The following LMNB1 variants were observed in gnomAD, a reference collection of about 807,000 sequenced individuals.
LMNB1 encodes the protein lamin B1.
Under a neutral mutation model 67.1 loss-of-function variants are expected in LMNB1, and 23 were observed. The ratio of observed to expected loss-of-function variants is 0.34; its 90% CI spans 0.25 to 0.49. LMNB1 has a LOEUF of 0.49. Ranked by LOEUF, LMNB1 falls within the 20% of genes least tolerant of loss-of-function variation. The pLI, the probability that LMNB1 is intolerant of heterozygous loss-of-function variation, is 0.99. For missense variants in LMNB1, 634 were observed against 746.5 expected, an observed-to-expected ratio of 0.85 and a Z score of 1.76; for synonymous variants, 281 against 282.9, an observed-to-expected ratio of 0.99 and a Z score of 0.07.
chr5:126,802,881 TA>T (rs1284631884), intron 1 of LMNB1, among the ~76,000 whole-genome samples: 2 of 151,856 alleles, frequency 1.3e-5, no homozygotes, highest in African/African-American at 4.8e-5. Flanking sequence ...GAACTCCATT[TA>T]AAAAAAAGTG....
chr5:126,792,823 G>T (rs554727479), intron 1 of LMNB1, among the ~76,000 whole-genome samples: 1 of 151,738 alleles, frequency 6.6e-6, no homozygotes, highest in Non-Finnish European at 1.5e-5. Context: ...TGATCCACCC[G>T]CCTCGGCCTC....
intron 1 of LMNB1, among the ~76,000 whole-genome samples, chr5:126,801,656 AC>A (rs1215982500): frequency 6.6e-6 from 1 of 152,228 alleles, no homozygotes; most frequent in Non-Finnish European, 1.5e-5. Context: ...CAAGAACAAT[AC>A]TGCATAAAAT....
At chr5:126,778,244 C>CGCGCTCGCGT (rs1047455715) in intron 1 of LMNB1, among the ~76,000 whole-genome samples, 9 of 152,046 alleles carry the variant, frequency 5.9e-5, no homozygotes, top group East Asian at 3.9e-4. Context: ...AGCGCGAGCG[C>CGCGCTCGCGT]GCGCTCGCGT....
chr5:126,777,879 C>A lies in LMNB1; in HGVS notation c.359+12C>A. ...CAGCTGCTCCTCAAGTGAGTGCTAG[C>A]TGGCGGCCGCGTTAGCGCCAAGGAG... On this transcript the variant is annotated intron_variant, in intron 1 of 10. Coordinates refer to ENST00000261366, the MANE Select transcript of LMNB1 (RefSeq NM_005573.4). 1 of 1,385,942 alleles carries A rather than the reference C, an allele frequency of 7.2e-7. No homozygotes were observed. Among genetic ancestry groups the A allele is most frequent in the South Asian group, 1.6e-5 (1 of 61,892 alleles). The allele number at this position is 1,385,942 out of a possible 1,614,324, so 85.9% of individuals were successfully genotyped here.
rs749836310 is a variant in LMNB1, at chr5:126,805,600, A to G, written c.546A>G (p.Lys182=). ...AAGCCTCCTTAGCTGCAGCCAAAAAACAGTTAGCAGATGAAACTTTACTTA... is the reference window on the plus strand; with the variant it reads ...AAGCCTCCTTAGCTGCAGCCAAAAAGCAGTTAGCAGATGAAACTTTACTTA... ...QLEASLAAAK[K]QLADETLLKV... is the part of the protein sequence containing the mutation. The change falls in exon 3 of 11, where the codon AAA becomes AAG. Residue 182 remains lysine (K), a synonymous_variant. Transcript: ENST00000261366. The G allele has an allele frequency of 6.2e-7, 1 of 1,611,024 alleles. No homozygotes were observed. Among genetic ancestry groups the G allele is most frequent in the South Asian group, 1.1e-5 (1 of 90,950 alleles).
intron 1 of LMNB1, among the ~76,000 whole-genome samples, chr5:126,800,198 T>G (rs1342184390): frequency 1.3e-5 from 2 of 152,178 alleles, no homozygotes; most frequent in African/African-American, 4.8e-5. Flanking sequence ...GAAGGTAATC[T>G]CATTTTACCC....
intron 9 of LMNB1, among the ~76,000 whole-genome samples, chr5:126,827,952 G>A (rs902683531): frequency 1.3e-5 from 2 of 152,194 alleles, no homozygotes; most frequent in East Asian, 3.8e-4. Context: ...ACTAGAGGAA[G>A]CACACTGAGG....
chr5:126,824,142 G>A (rs1015194340), intron 8 of LMNB1, among the ~76,000 whole-genome samples: 8 of 152,144 alleles, frequency 5.3e-5, no homozygotes, highest in African/African-American at 1.9e-4. Flanking sequence ...AATGTGATAA[G>A]CAGCTCTTTG....
intron 7 of LMNB1, 146 bp from the exon 8 acceptor site, chr5:126,822,635 C>G: frequency 1.5e-5 from 8 of 535,852 alleles, no homozygotes; most frequent in Non-Finnish European, 3.3e-6. Flanking sequence ...ATCGTGTTTT[C>G]TTTTTATAGT....
intron 1 of LMNB1, among the ~76,000 whole-genome samples, chr5:126,791,488 C>T (rs1178785703): frequency 2.0e-5 from 3 of 151,816 alleles, no homozygotes; most frequent in Non-Finnish European, 4.4e-5. Flanking sequence ...AAGATAGGGT[C>T]TTACCCTTGC....
chr5:126,796,068 G>GATT (rs955112925), intron 1 of LMNB1, among the ~76,000 whole-genome samples: 1 of 150,528 alleles, frequency 6.6e-6, no homozygotes, highest in African/African-American at 2.4e-5. Flanking sequence ...AAGTAGCTGA[G>GATT]ATTACAGGCA....
intron 9 of LMNB1, among the ~76,000 whole-genome samples, chr5:126,827,876 G>C (rs1418132289): frequency 6.6e-6 from 1 of 152,096 alleles, no homozygotes; most frequent in Non-Finnish European, 1.5e-5. Flanking sequence ...GGGGTTTTTT[G>C]TCTGCTCCCA....
chr5:126,796,664 T>C (rs1484703632), intron 1 of LMNB1, among the ~76,000 whole-genome samples: 3 of 152,228 alleles, frequency 2.0e-5, no homozygotes, highest in African/African-American at 7.2e-5. Context: ...CTAGGTTTTA[T>C]TGGGAAAGTA....
chr5:126,792,567 A>ATTTTTT (rs752371260), intron 1 of LMNB1, among the ~76,000 whole-genome samples: 12 of 99,154 alleles, frequency 1.2e-4, no homozygotes, highest in African/African-American at 3.8e-4. Flanking sequence ...AGCACTAGGG[A>ATTTTTT]TTTTTTTTTT....
chr5:126,794,305 C>T (rs1751037503), intron 1 of LMNB1, among the ~76,000 whole-genome samples: 2 of 152,226 alleles, frequency 1.3e-5, no homozygotes, highest in East Asian at 3.9e-4. Context: ...CTGTGGATCA[C>T]ATCCTTTTTC....
chr5:126,811,068 C>T (rs575671078), intron 4 of LMNB1, among the ~76,000 whole-genome samples: 60 of 152,268 alleles, frequency 3.9e-4, no homozygotes, highest in African/African-American at 1.4e-3. Context: ...GTTCATGTTG[C>T]TTTTTATCTA....
At position 126,826,065 on chromosome 5, in the gene LMNB1, T is replaced by C; in HGVS notation, c.1569T>C (p.Thr523=). ...GGAAGAACCAGAACTCGTGGGGCAC[T>C]GGCGAAGATGTGAAGGTTATATTGA... ...LIWKNQNSWG[T]GEDVKVILKN... The change falls in exon 9 of 11, where the codon ACT becomes ACC. Residue 523 remains threonine, a synonymous_variant. Transcript: ENST00000261366. 1 of 1,614,086 alleles carries C rather than the reference T, an allele frequency of 6.2e-7. No homozygotes were observed. Among genetic ancestry groups the C allele is most frequent in the Non-Finnish European group, 8.5e-7 (1 of 1,179,946 alleles).
At position 126,810,174 on chromosome 5, in the gene LMNB1, C is replaced by A; in HGVS notation, c.643-6C>A. On this transcript the variant is annotated splice_region_variant and splice_polypyrimidine_tract_variant and intron_variant, in intron 3 of 10. Coordinates refer to ENST00000261366, the MANE Select transcript of LMNB1 (RefSeq NM_005573.4). ...CTTGGCTTTATGCTTTTTGTTTTTT[C>A]CCCAGGAGATTAACGAGACCAGAAG... is the stretch of plus-strand genomic sequence containing the variant. The A allele has an allele frequency of 6.2e-7, 1 of 1,605,410 alleles. No homozygotes were observed. The highest frequency in any genetic ancestry group is 1.1e-5 in the South Asian group (1 of 90,578).
Position 126,826,106 on chromosome 5 carries a change from A to C in LMNB1, c.1610A>C (p.Glu537Ala). The change falls in exon 9 of 11, where the codon GAG becomes GCG. Residue 537 changes from glutamate to alanine, a missense_variant and splice_region_variant. Physicochemically the swap from Glu to Ala is moderately radical, Grantham distance 107. Transcript: ENST00000261366. ...VKVILKNSQG[E>A]EVAQRSTVFK... ...GTTATATTGAAAAATTCTCAGGGAGAGGTATGGCCAGTTTATCAGGACCAC... is the reference window on the plus strand; with the variant it reads ...GTTATATTGAAAAATTCTCAGGGAGCGGTATGGCCAGTTTATCAGGACCAC... The C allele has an allele frequency of 6.2e-7, 1 of 1,609,708 alleles. No homozygotes were observed. The highest frequency in any genetic ancestry group is 8.5e-7 in the Non-Finnish European group (1 of 1,176,794).
Sources: allele counts gnomAD v4.1 joint callset (sites outside exome capture counted in the v4.1 genomes callset), GRCh38; gene constraint gnomAD v4.1.1; transcripts MANE v1.5; gene names NCBI Gene and HGNC (gene_info 2026-07-23, HGNC 2026-07-21).